Variants in SAMD5 observed in about 807,000 individuals in gnomAD.
SAMD5 encodes the protein sterile alpha motif domain containing 5.
In SAMD5, 13 loss-of-function variants were observed where a neutral mutation model predicts 11.3. The ratio of observed to expected loss-of-function variants is 1.15; its 90% CI spans 0.75 to 1.83. The LOEUF is 1.83. Among genes scored for constraint, SAMD5 ranks in the 40% most tolerant of loss-of-function variants. SAMD5 has a pLI of 0.00. For missense variants in SAMD5, 255 were observed against 239.1 expected, an observed-to-expected ratio of 1.07 and a Z score of -0.44; for synonymous variants, 129 against 111.3, an observed-to-expected ratio of 1.16 and a Z score of -1.00.
At chr6:147,647,959 T>C (rs1458388818) in intron 1 of SAMD5, among the ~76,000 whole-genome samples, 1 of 152,214 alleles carries the variant, frequency 6.6e-6, no homozygotes, top group Non-Finnish European at 1.5e-5. Flanking sequence ...TTAAGTAAAT[T>C]GATCAAGGTT....
the SAMD5 span, among the ~76,000 whole-genome samples, chr6:147,904,891 CTTTTT>C: frequency 1.4e-5 from 2 of 139,232 alleles, no homozygotes; most frequent in South Asian, 2.3e-4. Flanking sequence ...GACTTTATGC[CTTTTT>C]TTTTTTTTTG....
At chr6:147,883,561 C>A in the SAMD5 span, among the ~76,000 whole-genome samples, 1 of 152,102 alleles carries the variant, frequency 6.6e-6, no homozygotes, top group African/African-American at 2.4e-5. Flanking sequence ...CTTTCTATTT[C>A]TTTTTCCTTA....
chr6:147,766,170 A>G, the SAMD5 span, among the ~76,000 whole-genome samples: 1 of 151,934 alleles, frequency 6.6e-6, no homozygotes, highest in Non-Finnish European at 1.5e-5. Flanking sequence ...ATAAGTAGGA[A>G]AAAAGAGAAC....
intron 1 of SAMD5, among the ~76,000 whole-genome samples, chr6:147,701,821 A>G (rs183898542): frequency 1.3e-5 from 2 of 152,284 alleles, no homozygotes; most frequent in Non-Finnish European, 2.9e-5. Context: ...GCTTTGGGTA[A>G]ATAGAGCTTG....
chr6:147,525,046 T>G (rs1191979507), intron 1 of SAMD5, among the ~76,000 whole-genome samples: 2 of 151,960 alleles, frequency 1.3e-5, no homozygotes, highest in African/African-American at 4.8e-5. Context: ...CACTGTGCAA[T>G]TTCTCCAAGA....
chr6:147,952,441 A>G, the SAMD5 span, among the ~76,000 whole-genome samples: 1 of 152,232 alleles, frequency 6.6e-6, no homozygotes, highest in African/African-American at 2.4e-5. Context: ...TGAACATACT[A>G]TCAAGGTATT....
intron 1 of SAMD5, among the ~76,000 whole-genome samples, chr6:147,722,496 A>G (rs1455305838): frequency 1.3e-5 from 2 of 152,162 alleles, no homozygotes; most frequent in African/African-American, 4.8e-5. Flanking sequence ...CCTCATAGAA[A>G]ACTCTCATTT....
At chr6:147,625,811 T>A (rs1790042117) in intron 1 of SAMD5, among the ~76,000 whole-genome samples, 1 of 152,212 alleles carries the variant, frequency 6.6e-6, no homozygotes. Context: ...AGAAAGAGTT[T>A]GCTGGCCCCT....
chr6:147,537,052 G>A (rs1788521670), intron 1 of SAMD5, among the ~76,000 whole-genome samples: 2 of 152,074 alleles, frequency 1.3e-5, no homozygotes, highest in South Asian at 2.1e-4. Flanking sequence ...CACAATTGAT[G>A]AGGAAATTTA....
intron 1 of SAMD5, among the ~76,000 whole-genome samples, chr6:147,644,632 T>C (rs886607488): frequency 6.6e-6 from 1 of 152,230 alleles, no homozygotes. Context: ...AAAAGTTTCT[T>C]AATTTTTTGG....
At chr6:147,951,618 G>A in the SAMD5 span, among the ~76,000 whole-genome samples, 4 of 152,266 alleles carry the variant, frequency 2.6e-5, no homozygotes, top group Admixed American at 1.3e-4. Flanking sequence ...GTGGGTTCCA[G>A]GGGATTGTGT....
At chr6:147,697,191 C>T (rs1034351850) in intron 1 of SAMD5, among the ~76,000 whole-genome samples, 1 of 152,166 alleles carries the variant, frequency 6.6e-6, no homozygotes, top group African/African-American at 2.4e-5. Flanking sequence ...GAGATGACAA[C>T]CAGTATTGCC....
At chr6:147,591,659 C>T (rs1469999881) in intron 1 of SAMD5, among the ~76,000 whole-genome samples, 1 of 152,108 alleles carries the variant, frequency 6.6e-6, no homozygotes, top group Non-Finnish European at 1.5e-5. Context: ...GGATAAAAGG[C>T]TGTTCAGTTT....
intron 1 of SAMD5, among the ~76,000 whole-genome samples, chr6:147,594,141 A>G (rs1789495611): frequency 6.6e-6 from 1 of 152,138 alleles, no homozygotes; most frequent in Non-Finnish European, 1.5e-5. Flanking sequence ...AACAAAACAA[A>G]AAAAGCAACG....
At chr6:147,854,176 G>A in the SAMD5 span, among the ~76,000 whole-genome samples, 1 of 152,090 alleles carries the variant, frequency 6.6e-6, no homozygotes, top group Admixed American at 6.6e-5. Flanking sequence ...AGAGAAAGTA[G>A]GAATTTCCCA....
chr6:147,584,272 A>G lies in SAMD5; in HGVS notation c.162+74885A>G, dbSNP rs368075409. Among the ~76,000 whole-genome samples, 60 of 152,326 alleles carry G rather than the reference A, an allele frequency of 3.9e-4. 1 individual carries two copies. The highest frequency in any genetic ancestry group is 1.3e-3 in the African/African-American group (56 of 41,576). On this transcript the variant is annotated intron_variant, in intron 1 of 1. Transcript: ENST00000566741. ...AGACTGTGATGGGAGGTTCATAAAC[A>G]TCATTCAGATGATGTTAACCAAGCA...
chr6:147,836,439 A>G, the SAMD5 span, among the ~76,000 whole-genome samples: 5 of 152,186 alleles, frequency 3.3e-5, no homozygotes, highest in Non-Finnish European at 7.3e-5. Context: ...AAATGCACTT[A>G]ATATGCTTAA....
chr6:147,746,000 C>T, the SAMD5 span, among the ~76,000 whole-genome samples: 81,786 of 151,898 alleles, frequency 0.54, 22,780 homozygotes, highest in Middle Eastern at 0.65. Flanking sequence ...TCTCGGCCTC[C>T]CAGGGTGCTG....
chr6:147,727,078 A>T (rs1791639632), intron 1 of SAMD5, among the ~76,000 whole-genome samples: 1 of 152,162 alleles, frequency 6.6e-6, no homozygotes, highest in African/African-American at 2.4e-5. Flanking sequence ...CCAAATACAA[A>T]GTCCTTAATG....
Sources: allele counts gnomAD v4.1 joint callset (sites outside exome capture counted in the v4.1 genomes callset), GRCh38; gene constraint gnomAD v4.1.1; transcripts MANE v1.5; gene names NCBI Gene and HGNC (gene_info 2026-07-23, HGNC 2026-07-21).